SORCS3: variants seen among roughly 807,000 people sequenced by gnomAD.
SORCS3 encodes VPS10 domain-containing receptor SorCS3.
SORCS3 carries 57 observed loss-of-function variants against 146.3 expected under a neutral mutation model. The observed-to-expected ratio is 0.39, with a 90% CI of 0.31 to 0.49. The LOEUF (loss-of-function observed/expected upper bound fraction) is 0.49, where lower values mean the gene tolerates loss of function less well. SORCS3 is among the 20% of genes least tolerant of loss of function. The pLI is 0.92. For synonymous variants in SORCS3, 653 were observed against 618.5 expected (o/e 1.06, Z -0.83); for missense variants, 1,341 against 1,575.5 (o/e 0.85, Z 2.52).
At chr10:105,077,708 C>G (rs2055597910) in intron 5 of SORCS3, among the ~76,000 whole-genome samples, 1 of 152,168 alleles carries the variant, frequency 6.6e-6, no homozygotes, top group Non-Finnish European at 1.5e-5. Context: ...CTTAAGATAT[C>G]CAAGACTAAT....
intron 1 of SORCS3, among the ~76,000 whole-genome samples, chr10:104,711,273 G>T (rs546991422): frequency 6.6e-6 from 1 of 152,306 alleles, no homozygotes; most frequent in Admixed American, 6.5e-5. Context: ...GCCCAGGGTT[G>T]CACACTGACA....
At chr10:104,677,078 A>G (rs1056178303) in intron 1 of SORCS3, among the ~76,000 whole-genome samples, 3 of 152,240 alleles carry the variant, frequency 2.0e-5, no homozygotes, top group South Asian at 2.1e-4. Flanking sequence ...ATGGTTATCC[A>G]GTGGTCACTG....
intron 6 of SORCS3, among the ~76,000 whole-genome samples, chr10:105,093,252 A>G (rs1439661923): frequency 6.6e-6 from 1 of 152,222 alleles, no homozygotes; most frequent in Admixed American, 6.5e-5. Flanking sequence ...ATGATTCACA[A>G]CTTATACAAA....
chr10:104,957,768 T>C (rs2019510755), intron 3 of SORCS3, among the ~76,000 whole-genome samples: 1 of 152,154 alleles, frequency 6.6e-6, no homozygotes, highest in South Asian at 2.1e-4. Flanking sequence ...TTCTTTTCCC[T>C]GCCTGTCTGG....
intron 1 of SORCS3, among the ~76,000 whole-genome samples, chr10:104,650,624 C>A (rs371322785): frequency 6.6e-6 from 1 of 152,348 alleles, no homozygotes; most frequent in South Asian, 2.1e-4. Flanking sequence ...GTATTTCCTT[C>A]CTTTTTGCTT....
At chr10:105,015,864 G>A (rs1486380908) in intron 4 of SORCS3, among the ~76,000 whole-genome samples, 1 of 151,446 alleles carries the variant, frequency 6.6e-6, no homozygotes, top group African/African-American at 2.4e-5. Flanking sequence ...TGAGTAGCTG[G>A]GATTACAGGC....
intron 7 of SORCS3, among the ~76,000 whole-genome samples, chr10:105,135,361 G>A (rs1384357859): frequency 2.0e-5 from 3 of 152,124 alleles, no homozygotes; most frequent in Admixed American, 6.5e-5. Flanking sequence ...CAAGGCCCTG[G>A]CACTCTGGGC....
At chr10:105,127,350 C>T (rs1322071469) in intron 7 of SORCS3, among the ~76,000 whole-genome samples, 1 of 152,078 alleles carries the variant, frequency 6.6e-6, no homozygotes, top group East Asian at 1.9e-4. Flanking sequence ...TTTACTTATT[C>T]TGACTCTGGA....
intron 1 of SORCS3, among the ~76,000 whole-genome samples, chr10:104,697,888 T>C (rs2016235295): frequency 1.3e-5 from 2 of 152,182 alleles, no homozygotes; most frequent in Non-Finnish European, 2.9e-5. Context: ...AGGGGTCTGG[T>C]TTAATGAGGC....
At chr10:105,096,137 C>G (rs376964047) in intron 6 of SORCS3, among the ~76,000 whole-genome samples, 2,387 of 133,636 alleles carry the variant, frequency 0.018, 26 homozygotes, top group Non-Finnish European at 0.03. Flanking sequence ...CACACAGACA[C>G]AAACAAACAA....
At chr10:104,842,477 C>A (rs750497808) in intron 1 of SORCS3, among the ~76,000 whole-genome samples, 1 of 152,140 alleles carries the variant, frequency 6.6e-6, no homozygotes, top group African/African-American at 2.4e-5. Flanking sequence ...GCCAGCTGGC[C>A]TGCATCTGAC....
intron 4 of SORCS3, among the ~76,000 whole-genome samples, chr10:105,014,160 A>G (rs902943473): frequency 1.3e-5 from 2 of 150,348 alleles, no homozygotes; most frequent in Admixed American, 6.7e-5. Context: ...AAAAATTCGC[A>G]TAGCAAAAAA....
intron 18 of SORCS3, among the ~76,000 whole-genome samples, chr10:105,216,444 T>C (rs2056665551): frequency 6.6e-6 from 1 of 152,136 alleles, no homozygotes; most frequent in Admixed American, 6.5e-5. Context: ...CTGTACTCAC[T>C]ATGAAACTTT....
At chr10:104,847,330 C>G (rs141812330) in intron 2 of SORCS3, among the ~76,000 whole-genome samples, 3 of 152,112 alleles carry the variant, frequency 2.0e-5, no homozygotes, top group Admixed American at 1.3e-4. Context: ...ATTGGCAGAT[C>G]GTTTCTTGGA....
chr10:105,131,700 C>T (rs538962897), intron 7 of SORCS3, among the ~76,000 whole-genome samples: 6 of 152,122 alleles, frequency 3.9e-5, no homozygotes, highest in Non-Finnish European at 7.4e-5. Flanking sequence ...TGCTTGGCTT[C>T]TAGGGAGACC....
intron 1 of SORCS3, among the ~76,000 whole-genome samples, chr10:104,800,972 T>G (rs2017617684): frequency 1.3e-5 from 2 of 152,264 alleles, no homozygotes; most frequent in African/African-American, 4.8e-5. Context: ...TTTTATTATT[T>G]AGCTAGTCAG....
intron 6 of SORCS3, among the ~76,000 whole-genome samples, chr10:105,091,288 C>T (rs1249640522): frequency 2.1e-5 from 2 of 95,594 alleles, no homozygotes; most frequent in African/African-American, 7.9e-5. Flanking sequence ...TCCTTGCTTC[C>T]TTCCTTCCTT....
chr10:104,733,043 T>C (rs572182628), intron 1 of SORCS3, among the ~76,000 whole-genome samples: 1 of 152,268 alleles, frequency 6.6e-6, no homozygotes, highest in East Asian at 1.9e-4. Flanking sequence ...AAATCAGTGA[T>C]AGATTTGATT....
intron 2 of SORCS3, among the ~76,000 whole-genome samples, chr10:104,888,086 CT>C (rs1206668477): frequency 6.6e-6 from 1 of 151,914 alleles, no homozygotes; most frequent in Non-Finnish European, 1.5e-5. Context: ...CCTTGGACCT[CT>C]TTTCCTTTTG....
Sources: gnomAD v4.1 joint callset for allele counts (sites outside exome capture counted in the v4.1 genomes callset) on GRCh38, gnomAD v4.1.1 for gene constraint, MANE v1.5 for transcripts, NCBI Gene and HGNC (gene_info 2026-07-23, HGNC 2026-07-21) for gene names.